The following RBPMS variants were observed in gnomAD, a reference collection of about 807,000 sequenced individuals.
The protein encoded by RBPMS is RNA binding protein, mRNA processing factor.
RBPMS carries 7 observed loss-of-function variants against 26.8 expected under a neutral mutation model. That is an observed-to-expected ratio of 0.26 (90% confidence interval 0.15 to 0.49). The LOEUF is 0.49. RBPMS is among the 20% of genes least tolerant of loss of function. The pLI, the probability that RBPMS is intolerant of heterozygous loss-of-function variation, is 0.98. For synonymous variants in RBPMS, 96 were observed against 93.3 expected (o/e 1.03, Z -0.17); for missense variants, 186 against 250.0 (o/e 0.74, Z 1.73).
chr8:30,492,573 G>A (rs1819510263), intron 4 of RBPMS, among the ~76,000 whole-genome samples: 2 of 152,080 alleles, frequency 1.3e-5, no homozygotes, highest in Admixed American at 1.3e-4. Flanking sequence ...CCTGGGTTTT[G>A]TACTTGGCAG....
chr8:30,484,935 C>G (rs1315049043), intron 4 of RBPMS, among the ~76,000 whole-genome samples: 1 of 152,138 alleles, frequency 6.6e-6, no homozygotes, highest in Non-Finnish European at 1.5e-5. Context: ...ATAATTAATT[C>G]ATTAGTTCTA....
At chr8:30,463,720 G>C (rs1403028637) in intron 1 of RBPMS, among the ~76,000 whole-genome samples, 2 of 152,336 alleles carry the variant, frequency 1.3e-5, no homozygotes, top group South Asian at 2.1e-4. Context: ...AGGAAACTTA[G>C]GAAGGGAAAG....
intron 6 of RBPMS, among the ~76,000 whole-genome samples, chr8:30,545,935 A>G (rs552701526): frequency 1.2e-4 from 18 of 152,296 alleles, no homozygotes; most frequent in Admixed American, 1.2e-3. Context: ...GGCACAGAAA[A>G]TAAAGGAGCC....
chr8:30,448,739 C>T (rs1390504736), intron 1 of RBPMS, among the ~76,000 whole-genome samples: 1 of 152,186 alleles, frequency 6.6e-6, no homozygotes, highest in African/African-American at 2.4e-5. Context: ...TTTTGAACTT[C>T]AGTTTCCTTA....
At chr8:30,566,144 C>T (rs564562837) in intron 7 of RBPMS, 113 bp from the exon 8 acceptor site, 6 of 390,164 alleles carry the variant, frequency 1.5e-5, no homozygotes, top group Non-Finnish European at 2.1e-5. Flanking sequence ...TGATCTCTTT[C>T]GGCGTTGCCT....
intron 1 of RBPMS, among the ~76,000 whole-genome samples, chr8:30,455,019 C>T (rs544413542): frequency 2.6e-5 from 4 of 152,300 alleles, no homozygotes; most frequent in Admixed American, 1.3e-4. Flanking sequence ...GACGGGGTTT[C>T]GCCATGTTGG....
intron 5 of RBPMS, among the ~76,000 whole-genome samples, chr8:30,510,711 CT>C (rs1402183525): frequency 6.6e-6 from 1 of 152,088 alleles, no homozygotes; most frequent in Non-Finnish European, 1.5e-5. Context: ...TTCCAAATAG[CT>C]GGGACTACAG....
chr8:30,563,305 A>G (rs980082535), intron 7 of RBPMS, among the ~76,000 whole-genome samples: 15 of 152,270 alleles, frequency 9.9e-5, no homozygotes, highest in Non-Finnish European at 1.5e-5. Flanking sequence ...TGGTTCAGCC[A>G]TGTGCTAGAG....
chr8:30,462,733 TTTGTTGTTG>T (rs745701840), intron 1 of RBPMS, among the ~76,000 whole-genome samples: 2 of 151,996 alleles, frequency 1.3e-5, no homozygotes, highest in South Asian at 4.1e-4. Context: ...GGCCTGATTT[TTTGTTGTTG>T]TTGTTGTTTT....
intron 1 of RBPMS, among the ~76,000 whole-genome samples, chr8:30,455,991 A>C (rs1458471167): frequency 6.6e-6 from 1 of 152,202 alleles, no homozygotes; most frequent in African/African-American, 2.4e-5. Flanking sequence ...GGAGGTAATG[A>C]ATGGAACATC....
chr8:30,433,105 C>G lies in RBPMS; in HGVS notation c.67-41674C>G, dbSNP rs142016610. ...ATTCAAATAGCCAGCGGCCTCACTC[C>G]CCCCAAACTTGACTAACAACACAGC... On this transcript the variant is annotated intron_variant, in intron 1 of 8. Transcript: ENST00000397323. 5.2e-3 allele frequency among the ~76,000 whole-genome samples: 792 copies of G among 152,262 alleles called. 11 individuals carry two copies. The highest frequency in any genetic ancestry group is 0.018 in the African/African-American group (753 of 41,540).
intron 5 of RBPMS, among the ~76,000 whole-genome samples, chr8:30,538,018 G>C (rs764609630): frequency 2.0e-5 from 3 of 152,166 alleles, no homozygotes; most frequent in Non-Finnish European, 4.4e-5. Flanking sequence ...GTTTACATTG[G>C]AGTAGAAATC....
At chr8:30,557,124 T>G (rs1827000549) in intron 6 of RBPMS, among the ~76,000 whole-genome samples, 1 of 152,204 alleles carries the variant, frequency 6.6e-6, no homozygotes, top group Non-Finnish European at 1.5e-5. Flanking sequence ...GCTGGTCATC[T>G]GATCGCTGGT....
At chr8:30,413,351 A>G (rs974636393) in intron 1 of RBPMS, among the ~76,000 whole-genome samples, 1 of 152,116 alleles carries the variant, frequency 6.6e-6, no homozygotes, top group East Asian at 1.9e-4. Context: ...GATTACATGC[A>G]TGAGCCACCA....
chr8:30,470,019 C>T (rs1363263222), intron 1 of RBPMS, among the ~76,000 whole-genome samples: 1 of 152,120 alleles, frequency 6.6e-6, no homozygotes, highest in African/African-American at 2.4e-5. Flanking sequence ...CTGAAGTGCC[C>T]TCCCTTTAGT....
chr8:30,500,691 A>G (rs775262086), intron 4 of RBPMS, among the ~76,000 whole-genome samples: 2 of 152,130 alleles, frequency 1.3e-5, no homozygotes, highest in Non-Finnish European at 2.9e-5. Flanking sequence ...GTGTCTCTAT[A>G]TAGGCTCAAG....
intron 8 of RBPMS, among the ~76,000 whole-genome samples, chr8:30,569,245 T>A (rs1828102874): frequency 6.6e-6 from 1 of 152,198 alleles, no homozygotes; most frequent in Admixed American, 6.5e-5. Context: ...TCCTGTTTTG[T>A]GTGTCCTACA....
Position 30,450,927 on chromosome 8 carries a change from G to C in RBPMS, c.67-23852G>C, listed in dbSNP as rs147069300. Among the ~76,000 whole-genome samples, 673 of 151,772 alleles carry C rather than the reference G, an allele frequency of 4.4e-3. 8 individuals carry two copies. Among genetic ancestry groups the C allele is most frequent in the African/African-American group, 0.016 (658 of 41,388 alleles). Reference sequence around the variant, plus strand: ...ACTGATGAAAGGCAGATATATATCTGGTAAAAATCCTACAATGTATATTAA... The same window carrying C: ...ACTGATGAAAGGCAGATATATATCTCGTAAAAATCCTACAATGTATATTAA... On this transcript the variant is annotated intron_variant, in intron 1 of 8. Transcript: ENST00000397323.
intron 4 of RBPMS, among the ~76,000 whole-genome samples, chr8:30,479,754 T>G (rs1818079538): frequency 6.6e-6 from 1 of 152,066 alleles, no homozygotes. Flanking sequence ...ATGCTCAGAA[T>G]AGATTGAAAT....
Sources: allele counts gnomAD v4.1 joint callset (sites outside exome capture counted in the v4.1 genomes callset), GRCh38; gene constraint gnomAD v4.1.1; transcripts MANE v1.5; gene names NCBI Gene and HGNC (gene_info 2026-07-23, HGNC 2026-07-21).